Variants in MCPH1 observed in about 807,000 individuals in gnomAD.
MCPH1 encodes microcephalin 1, also known as microcephalin.
In MCPH1, 104 loss-of-function variants were observed where a neutral mutation model predicts 84.5. The ratio of observed to expected loss-of-function variants is 1.23; its 90% CI spans 1.05 to 1.45. The LOEUF (loss-of-function observed/expected upper bound fraction) is 1.45, where lower values mean the gene tolerates loss of function less well. Ranked by LOEUF, MCPH1 falls within the 40% of genes most tolerant of loss-of-function variation. MCPH1 has a pLI of 0.00. For synonymous variants in MCPH1, 514 were observed against 366.8 expected, an observed-to-expected ratio of 1.40 and a Z score of -4.58; for missense variants, 1,498 against 1,005.7, an observed-to-expected ratio of 1.49 and a Z score of -6.62.
intron 12 of MCPH1, among the ~76,000 whole-genome samples, chr8:6,620,657 T>G (rs115364021): frequency 0.015 from 2,256 of 152,272 alleles, 45 homozygotes; most frequent in African/African-American, 0.051. Context: ...AAACAAAACG[T>G]GGATGGCACA....
chr8:6,438,336 A>G (rs928292996), intron 5 of MCPH1, among the ~76,000 whole-genome samples: 3 of 152,192 alleles, frequency 2.0e-5, no homozygotes, highest in African/African-American at 7.2e-5. Flanking sequence ...AAGAGTCCCA[A>G]AGGAGAATAT....
intron 3 of MCPH1, among the ~76,000 whole-genome samples, chr8:6,423,318 C>G (rs1800542312): frequency 6.7e-6 from 1 of 150,266 alleles, no homozygotes; most frequent in African/African-American, 2.5e-5. Flanking sequence ...GCGCCCGCCA[C>G]CACGCCTGGC....
At chr8:6,548,715 A>G (rs995573326) in intron 12 of MCPH1, among the ~76,000 whole-genome samples, 1 of 152,228 alleles carries the variant, frequency 6.6e-6, no homozygotes, top group African/African-American at 2.4e-5. Flanking sequence ...GCAAGCTCCC[A>G]TTGGCAAAAT....
chr8:6,555,833 T>C (rs943810231), intron 12 of MCPH1, among the ~76,000 whole-genome samples: 1 of 152,220 alleles, frequency 6.6e-6, no homozygotes, highest in African/African-American at 2.4e-5. Context: ...ACCAATTCTA[T>C]TACAAGGTGG....
chr8:6,555,239 A>C (rs1180554143), intron 12 of MCPH1, among the ~76,000 whole-genome samples: 2 of 152,160 alleles, frequency 1.3e-5, no homozygotes, highest in African/African-American at 4.8e-5. Context: ...GGACAATAAC[A>C]ATCAAACCGT....
At chr8:6,604,363 G>T (rs545117673) in intron 12 of MCPH1, among the ~76,000 whole-genome samples, 4 of 152,346 alleles carry the variant, frequency 2.6e-5, no homozygotes, top group Admixed American at 1.3e-4. Flanking sequence ...ATTCAGATCA[G>T]ATCTCTGTTG....
At chr8:6,518,939 G>C (rs1053382588) in intron 12 of MCPH1, among the ~76,000 whole-genome samples, 23 of 151,364 alleles carry the variant, frequency 1.5e-4, no homozygotes, top group African/African-American at 5.1e-4. Flanking sequence ...CTAAAGTTCA[G>C]TGTCTCCCAA....
intron 13 of MCPH1, among the ~76,000 whole-genome samples, chr8:6,638,284 G>A (rs1797700198): frequency 6.6e-6 from 1 of 152,200 alleles, no homozygotes; most frequent in African/African-American, 2.4e-5. Context: ...GAGTGGAGAT[G>A]TGGCTAGATC....
At chr8:6,512,342 G>T (rs1006979977) in intron 12 of MCPH1, among the ~76,000 whole-genome samples, 6 of 152,130 alleles carry the variant, frequency 3.9e-5, no homozygotes, top group Non-Finnish European at 1.5e-5. Context: ...CTTTAACATT[G>T]TGTCTCCTTT....
At chr8:6,616,606 A>T (rs895033907) in intron 12 of MCPH1, 2 of 152,258 alleles carry the variant, frequency 1.3e-5, no homozygotes, top group African/African-American at 4.8e-5. Context: ...TCTGCAACCC[A>T]GGGCTCCTAG....
intron 8 of MCPH1, chr8:6,446,371 A>C (rs1192618434): frequency 1.0e-6 from 1 of 984,762 alleles, no homozygotes; most frequent in African/African-American, 1.7e-5. Context: ...CTGCTCTACA[A>C]ATGTTTTAAC....
At chr8:6,626,171 C>G in intron 13 of MCPH1, 2 of 985,372 alleles carry the variant, frequency 2.0e-6, no homozygotes. Flanking sequence ...TGAGGTGACC[C>G]TCAGCTCGCC....
At chr8:6,448,294 G>A (rs949521842) in intron 8 of MCPH1, among the ~76,000 whole-genome samples, 1 of 152,222 alleles carries the variant, frequency 6.6e-6, no homozygotes, top group Non-Finnish European at 1.5e-5. Context: ...TGTTTCAGCT[G>A]GAGGTAACAG....
chr8:6,615,100 G>C (rs1830671148), intron 12 of MCPH1, among the ~76,000 whole-genome samples: 1 of 152,216 alleles, frequency 6.6e-6, no homozygotes, highest in African/African-American at 2.4e-5. Flanking sequence ...GAATGTTTTA[G>C]CAAGTTAGCT....
At chr8:6,622,123 C>G in intron 13 of MCPH1, 1 of 293,938 alleles carries the variant, frequency 3.4e-6, no homozygotes, top group Non-Finnish European at 6.8e-6. Flanking sequence ...CCAGGTACAT[C>G]TCATGATCAC....
chr8:6,623,764 T>A (rs1266756062), intron 13 of MCPH1, among the ~76,000 whole-genome samples: 1 of 151,438 alleles, frequency 6.6e-6, no homozygotes, highest in Non-Finnish European at 1.5e-5. Flanking sequence ...CTGTTTACTC[T>A]TTTCTAAATG....
At chr8:6,461,531 G>T (rs1359410794) in intron 9 of MCPH1, among the ~76,000 whole-genome samples, 1 of 151,178 alleles carries the variant, frequency 6.6e-6, no homozygotes, top group Non-Finnish European at 1.5e-5. Context: ...GTAGAGACAG[G>T]GTTTTGCCAT....
intron 9 of MCPH1, among the ~76,000 whole-genome samples, chr8:6,468,798 C>A (rs79330494): frequency 0.014 from 2,190 of 151,938 alleles, 56 homozygotes; most frequent in African/African-American, 0.051. Context: ...AACAAAGCAA[C>A]CTGAATATTA....
intron 9 of MCPH1, among the ~76,000 whole-genome samples, chr8:6,468,991 C>A (rs1056297457): frequency 1.3e-5 from 2 of 152,050 alleles, no homozygotes; most frequent in Non-Finnish European, 2.9e-5. Flanking sequence ...GAGTTCAAGA[C>A]CAGCCTGGGC....
Sources: gnomAD v4.1 joint callset for allele counts (sites outside exome capture counted in the v4.1 genomes callset) on GRCh38, gnomAD v4.1.1 for gene constraint, MANE v1.5 for transcripts, NCBI Gene and HGNC (gene_info 2026-07-23, HGNC 2026-07-21) for gene names.